The following CNTNAP2 variants were observed in gnomAD, a reference collection of about 807,000 sequenced individuals.
CNTNAP2 encodes the protein contactin-associated protein-like 2.
CNTNAP2 carries 98 observed loss-of-function variants against 155.2 expected under a neutral mutation model. That is an observed-to-expected ratio of 0.63 (90% CI 0.54 to 0.75). The LOEUF is 0.75. Ranked by LOEUF, CNTNAP2 falls within the 30% of genes least tolerant of loss-of-function variation. The pLI is 0.00. For missense variants in CNTNAP2, 1,727 were observed against 1,688.1 expected (o/e 1.02, Z -0.40); for synonymous variants, 651 against 631.2 (o/e 1.03, Z -0.47).
At chr7:147,384,934 G>A (rs1485411007) in intron 9 of CNTNAP2, among the ~76,000 whole-genome samples, 3 of 152,138 alleles carry the variant, frequency 2.0e-5, no homozygotes, top group Admixed American at 2.0e-4. Flanking sequence ...ATTCATGACT[G>A]AGCAATTTAC....
chr7:147,773,118 A>T (rs1284752345), intron 13 of CNTNAP2, among the ~76,000 whole-genome samples: 1 of 152,248 alleles, frequency 6.6e-6, no homozygotes, highest in Non-Finnish European at 1.5e-5. Context: ...AAGGCCTAGC[A>T]TGCATAGGAT....
intron 8 of CNTNAP2, among the ~76,000 whole-genome samples, chr7:147,174,376 A>T (rs1254042064): frequency 6.6e-6 from 1 of 152,122 alleles, no homozygotes; most frequent in African/African-American, 2.4e-5. Context: ...TAATTTTGAC[A>T]TACCTGTAGT....
intron 13 of CNTNAP2, among the ~76,000 whole-genome samples, chr7:147,786,258 T>G (rs529308502): frequency 4.6e-4 from 70 of 152,154 alleles, no homozygotes; most frequent in African/African-American, 1.6e-3. Flanking sequence ...GGCGACACAG[T>G]GAGAAAATGC....
rs115304001 is a variant in CNTNAP2 at position 146,552,444 on chromosome 7, C to T, written c.98-221827C>T. 4.6e-3 allele frequency among the ~76,000 whole-genome samples: 700 copies of T among 152,112 alleles called. 5 individuals are homozygous for T. Among genetic ancestry groups the T allele is most frequent in the African/African-American group, 0.016 (653 of 41,506 alleles). On this transcript the variant is annotated intron_variant, in intron 1 of 23. Transcript: ENST00000361727. ...CTACTTTCAAAATATATTCTGGGTT[C>T]GATCACTTCTAACCAACCAAATTTA...
intron 8 of CNTNAP2, among the ~76,000 whole-genome samples, chr7:147,232,295 G>A (rs1803697662): frequency 1.3e-5 from 2 of 152,186 alleles, no homozygotes; most frequent in Non-Finnish European, 2.9e-5. Context: ...AATTCCAATG[G>A]CGTTTTTCAC....
At chr7:148,406,349 C>T (rs1799705096) in intron 22 of CNTNAP2, among the ~76,000 whole-genome samples, 1 of 152,184 alleles carries the variant, frequency 6.6e-6, no homozygotes, top group Non-Finnish European at 1.5e-5. Flanking sequence ...CACTCACTCA[C>T]AAAGTATCCA....
intron 13 of CNTNAP2, among the ~76,000 whole-genome samples, chr7:147,712,024 A>G (rs1796407720): frequency 6.6e-6 from 1 of 152,140 alleles, no homozygotes; most frequent in Non-Finnish European, 1.5e-5. Context: ...TTCTCAAATC[A>G]ATTTCTCATT....
intron 14 of CNTNAP2, among the ~76,000 whole-genome samples, chr7:147,946,804 C>CA (rs933109857): frequency 3.3e-5 from 5 of 152,130 alleles, no homozygotes; most frequent in African/African-American, 1.2e-4. Context: ...GCTCCCCCTT[C>CA]ACCCTCTAAA....
chr7:146,780,983 CTT>C (rs1330136787), intron 2 of CNTNAP2, among the ~76,000 whole-genome samples: 1 of 151,826 alleles, frequency 6.6e-6, no homozygotes, highest in Non-Finnish European at 1.5e-5. Context: ...AATCCCAGCA[CTT>C]TGGGAGGCCG....
intron 12 of CNTNAP2, among the ~76,000 whole-genome samples, chr7:147,565,333 C>A (rs896073861): frequency 2.0e-5 from 3 of 152,058 alleles, no homozygotes; most frequent in Non-Finnish European, 4.4e-5. Context: ...CAGGCCAGAG[C>A]AGACCAGCCA....
intron 13 of CNTNAP2, among the ~76,000 whole-genome samples, chr7:147,781,023 C>T (rs113490828): frequency 5.3e-5 from 8 of 152,250 alleles, no homozygotes; most frequent in Non-Finnish European, 8.8e-5. Context: ...TCTTATAGTT[C>T]TCCAGTGGTT....
At chr7:146,366,387 T>C (rs904120992) in intron 1 of CNTNAP2, among the ~76,000 whole-genome samples, 1 of 152,172 alleles carries the variant, frequency 6.6e-6, no homozygotes, top group Non-Finnish European at 1.5e-5. Flanking sequence ...TTAAATACTT[T>C]AATAAGTATA....
At chr7:148,062,304 G>A (rs923137350) in intron 15 of CNTNAP2, among the ~76,000 whole-genome samples, 2 of 151,990 alleles carry the variant, frequency 1.3e-5, no homozygotes, top group African/African-American at 4.8e-5. Context: ...AAGGTAGAAA[G>A]GATACTGAAT....
chr7:146,272,401 G>A (rs1389566857), intron 1 of CNTNAP2, among the ~76,000 whole-genome samples: 1 of 152,086 alleles, frequency 6.6e-6, no homozygotes, highest in African/African-American at 2.4e-5. Flanking sequence ...TGGAGACACA[G>A]AGCTAACCCA....
chr7:146,587,707 TA>T (rs1798715662), intron 1 of CNTNAP2, among the ~76,000 whole-genome samples: 1 of 152,144 alleles, frequency 6.6e-6, no homozygotes, highest in African/African-American at 2.4e-5. Context: ...AATTTTGCCC[TA>T]ATCAGCCAGG....
chr7:146,146,060 GAT>G (rs1797952619), intron 1 of CNTNAP2, among the ~76,000 whole-genome samples: 1 of 152,112 alleles, frequency 6.6e-6, no homozygotes, highest in African/African-American at 2.4e-5. Context: ...GTTCAGCTCA[GAT>G]ATCAGCAGAT....
chr7:148,388,633 CTGCTCTGTTTTTT>C (rs1799271791), intron 22 of CNTNAP2, among the ~76,000 whole-genome samples: 1 of 152,080 alleles, frequency 6.6e-6, no homozygotes, highest in African/African-American at 2.4e-5. Context: ...TCCAGTTTTT[CTGCTCTGTTTTTT>C]CCCTATCTTT....
At chr7:148,099,683 T>A (rs1348078482) in intron 15 of CNTNAP2, among the ~76,000 whole-genome samples, 1 of 151,892 alleles carries the variant, frequency 6.6e-6, no homozygotes. Context: ...ACAAAAGTAA[T>A]GAAAAGGGTC....
At chr7:147,485,524 A>G (rs1528522) in intron 10 of CNTNAP2, among the ~76,000 whole-genome samples, 121,357 of 152,152 alleles carry the variant, frequency 0.8, 49,018 homozygotes, top group African/African-American at 0.93. Flanking sequence ...GAAAAACTTG[A>G]TGATACCCCT....
Sources: gnomAD v4.1 joint callset for allele counts (sites outside exome capture counted in the v4.1 genomes callset) on GRCh38, gnomAD v4.1.1 for gene constraint, MANE v1.5 for transcripts, NCBI Gene and HGNC (gene_info 2026-07-23, HGNC 2026-07-21) for gene names.